The following PIP5K1B variants were observed in gnomAD, a reference collection of about 807,000 sequenced individuals.
PIP5K1B encodes phosphatidylinositol 4-phosphate 5-kinase type-1 beta.
A neutral mutation model predicts 67.0 loss-of-function variants in PIP5K1B; 42 were observed. The ratio of observed to expected loss-of-function variants is 0.63; its 90% CI spans 0.49 to 0.81. The LOEUF (loss-of-function observed/expected upper bound fraction) is 0.81. Ranked by LOEUF, PIP5K1B falls within the 30% of genes least tolerant of loss-of-function variation. The pLI is 0.00. For synonymous variants in PIP5K1B, 214 were observed against 231.4 expected (o/e 0.92, Z 0.68); for missense variants, 459 against 646.3 (o/e 0.71, Z 3.14).
chr9:68,750,978 G>T (rs1829601188), intron 2 of PIP5K1B, among the ~76,000 whole-genome samples: 1 of 152,226 alleles, frequency 6.6e-6, no homozygotes, highest in Non-Finnish European at 1.5e-5. Flanking sequence ...CTTCCCCACA[G>T]ACTGCCTGGG....
At chr9:68,733,073 G>T (rs549190457) in intron 1 of PIP5K1B, among the ~76,000 whole-genome samples, 1 of 152,126 alleles carries the variant, frequency 6.6e-6, no homozygotes, top group South Asian at 2.1e-4. Context: ...GGTGTGGGCC[G>T]CAAGGTGATT....
chr9:68,735,332 T>TTTTTTTTTTTTTTTTTTTG (rs1828682145), intron 1 of PIP5K1B, among the ~76,000 whole-genome samples: 1 of 135,520 alleles, frequency 7.4e-6, no homozygotes, highest in Non-Finnish European at 1.6e-5. Flanking sequence ...TTTTTTTTTT[T>TTTTTTTTTTTTTTTTTTTG]TTTTTTTTTT....
chr9:68,740,082 A>G (rs1236913263), intron 1 of PIP5K1B, among the ~76,000 whole-genome samples: 1 of 152,188 alleles, frequency 6.6e-6, no homozygotes, highest in Admixed American at 6.5e-5. Flanking sequence ...TTGCCTAGAA[A>G]GCATTCCCAA....
At chr9:68,983,811 T>C (rs1346519908) in intron 14 of PIP5K1B, among the ~76,000 whole-genome samples, 1 of 152,152 alleles carries the variant, frequency 6.6e-6, no homozygotes, top group Admixed American at 6.5e-5. Flanking sequence ...ACTCTTAAAC[T>C]CTTGGCCTTT....
chr9:68,775,823 A>G (rs780885212), intron 2 of PIP5K1B, among the ~76,000 whole-genome samples: 15 of 152,150 alleles, frequency 9.9e-5, no homozygotes, highest in Non-Finnish European at 2.1e-4. Flanking sequence ...AATTTCTTTC[A>G]TTCAACATTA....
chr9:68,751,881 T>G (rs1829652042), intron 2 of PIP5K1B, among the ~76,000 whole-genome samples: 1 of 152,242 alleles, frequency 6.6e-6, no homozygotes, highest in African/African-American at 2.4e-5. Context: ...TTATGTTATA[T>G]GAATTCAGAT....
At chr9:68,791,848 T>C (rs1831988580) in intron 2 of PIP5K1B, among the ~76,000 whole-genome samples, 1 of 152,210 alleles carries the variant, frequency 6.6e-6, no homozygotes, top group Non-Finnish European at 1.5e-5. Flanking sequence ...AAAAGACCTC[T>C]CCACTTCAAC....
At chr9:68,889,216 G>T in intron 7 of PIP5K1B, 83 bp downstream of exon 7, 1 of 981,580 alleles carries the variant, frequency 1.0e-6, no homozygotes, top group South Asian at 1.6e-5. Context: ...TTTTTTCAGT[G>T]ACTCAGGCAT....
At chr9:68,890,637 A>AAAATATT (rs1387008985) in intron 7 of PIP5K1B, among the ~76,000 whole-genome samples, 5 of 152,124 alleles carry the variant, frequency 3.3e-5, no homozygotes, top group African/African-American at 1.2e-4. Flanking sequence ...GGCAGATTTT[A>AAAATATT]AAATATTTCA....
intron 2 of PIP5K1B, among the ~76,000 whole-genome samples, chr9:68,753,926 C>T (rs12005775): frequency 6.6e-6 from 1 of 152,156 alleles, no homozygotes; most frequent in East Asian, 1.9e-4. Flanking sequence ...TCCCAAAGTG[C>T]TGGGATTACA....
At chr9:68,715,189 C>T (rs1432971747) in intron 1 of PIP5K1B, among the ~76,000 whole-genome samples, 1 of 152,188 alleles carries the variant, frequency 6.6e-6, no homozygotes, top group African/African-American at 2.4e-5. Context: ...AACCAGTTGA[C>T]ATGGGTGCAG....
In PIP5K1B at chr9:68,993,978, G is replaced by C. The variant is rs149074768; in HGVS notation, c.1620+2721G>C. Among the ~76,000 whole-genome samples, 843 of 151,500 alleles carry C rather than the reference G, an allele frequency of 5.6e-3. 7 individuals carry two copies. The highest frequency in any genetic ancestry group is 0.019 in the African/African-American group (764 of 41,064). On this transcript the variant is annotated intron_variant, in intron 15 of 15. Transcript: ENST00000265382. ...GTGAGGGAAGGATACAGAAAGGAAG[G>C]AATGAGGGGGTTTTATTGAGAATAT...
Position 68,925,795 on chromosome 9 carries a change from A to ATTTTTTTTTTTTTTTTT in PIP5K1B, c.1201+2413_1201+2429dup, listed in dbSNP as rs71353094. Reference sequence around the variant, plus strand: ...ACATGAATACCAGCTTGTGGTTCCAATTTTTTTTTTTTTTTTTTTTGAGAC... The same window carrying ATTTTTTTTTTTTTTTTT: ...ACATGAATACCAGCTTGTGGTTCCAATTTTTTTTTTTTTTTTTTTTTTTTTTTTTTTTTTTTTGAGAC... On this transcript the variant is annotated intron_variant, in intron 12 of 15. Transcript: ENST00000265382. Among the ~76,000 whole-genome samples, 72 of 73,270 alleles carry ATTTTTTTTTTTTTTTTT rather than the reference A, an allele frequency of 9.8e-4. 14 individuals carry two copies. Among genetic ancestry groups the ATTTTTTTTTTTTTTTTT allele is most frequent in the African/African-American group, 3.1e-3 (54 of 17,548 alleles). 48.1% of individuals were successfully genotyped at this position (73,270 alleles called of 152,430 possible). A position where few individuals can be genotyped will look rare whatever the true frequency, so the allele number is the denominator to read the frequency against.
chr9:68,940,937 T>G, intron 14 of PIP5K1B, 147 bp downstream of exon 14: 1 of 780,656 alleles, frequency 1.3e-6, no homozygotes, highest in Non-Finnish European at 2.2e-6. Context: ...ACATGCTTGA[T>G]TTTTACTGTG....
intron 15 of PIP5K1B, among the ~76,000 whole-genome samples, chr9:69,007,407 AT>A (rs1831130862): frequency 6.6e-6 from 1 of 152,184 alleles, no homozygotes; most frequent in Admixed American, 6.5e-5. Context: ...TAAATATATG[AT>A]TTGTGTATAT....
intron 2 of PIP5K1B, among the ~76,000 whole-genome samples, chr9:68,753,782 G>A (rs575415714): frequency 6.6e-6 from 1 of 151,454 alleles, no homozygotes; most frequent in Non-Finnish European, 1.5e-5. Context: ...CCTCGGCCTC[G>A]CAAAGTGCTG....
chr9:68,737,144 T>C (rs145974101), intron 1 of PIP5K1B, among the ~76,000 whole-genome samples: 158 of 152,336 alleles, frequency 1.0e-3, no homozygotes, highest in Non-Finnish European at 1.8e-3. Flanking sequence ...TTGGTAAATA[T>C]ATAAGGATGT....
At chr9:68,948,961 G>A (rs1350413246) in intron 14 of PIP5K1B, among the ~76,000 whole-genome samples, 1 of 152,086 alleles carries the variant, frequency 6.6e-6, no homozygotes, top group Non-Finnish European at 1.5e-5. Context: ...CATTTTTTGA[G>A]GAATTCATGT....
At chr9:68,885,585 A>G (rs545301172) in intron 6 of PIP5K1B, among the ~76,000 whole-genome samples, 26 of 152,288 alleles carry the variant, frequency 1.7e-4, no homozygotes, top group Admixed American at 1.2e-3. Context: ...TATATCTCAT[A>G]GAAAAACAAA....
Sources: allele counts gnomAD v4.1 joint callset (sites outside exome capture counted in the v4.1 genomes callset), GRCh38; gene constraint gnomAD v4.1.1; transcripts MANE v1.5; gene names NCBI Gene and HGNC (gene_info 2026-07-23, HGNC 2026-07-21).